Variants in DOCK2 observed in about 807,000 individuals in gnomAD.
The protein encoded by DOCK2 is dedicator of cytokinesis protein 2.
A neutral mutation model predicts 248.9 loss-of-function variants in DOCK2; 87 were observed. The ratio of observed to expected loss-of-function variants is 0.35; its 90% confidence interval spans 0.29 to 0.42. The LOEUF is 0.42. DOCK2 is among the 10% of genes least tolerant of loss of function. DOCK2 has a pLI of 1.00. For synonymous variants in DOCK2, 805 were observed against 821.6 expected, an observed-to-expected ratio of 0.98 and a Z score of 0.35; for missense variants, 1,747 against 2,300.2, an observed-to-expected ratio of 0.76 and a Z score of 4.92.
intron 26 of DOCK2, among the ~76,000 whole-genome samples, chr5:169,807,088 C>A (rs946064194): frequency 5.9e-5 from 9 of 152,052 alleles, no homozygotes; most frequent in Non-Finnish European, 7.4e-5. Flanking sequence ...GCTTGCAAAG[C>A]GACTGAGAAG....
At chr5:169,757,888 G>T (rs1764275456) in intron 23 of DOCK2, among the ~76,000 whole-genome samples, 1 of 152,158 alleles carries the variant, frequency 6.6e-6, no homozygotes, top group South Asian at 2.1e-4. Context: ...CTACAAGATT[G>T]TATGTCCAAT....
intron 22 of DOCK2, among the ~76,000 whole-genome samples, chr5:169,728,906 A>G (rs755217997): frequency 2.0e-5 from 3 of 152,184 alleles, no homozygotes; most frequent in Non-Finnish European, 2.9e-5. Context: ...CCTGTGCTGT[A>G]GACAATTAAG....
chr5:169,678,565 G>A (rs1487782035), intron 6 of DOCK2, among the ~76,000 whole-genome samples: 1 of 152,136 alleles, frequency 6.6e-6, no homozygotes. Flanking sequence ...GCCTGGCCAA[G>A]AAAAAAGTTT....
intron 34 of DOCK2, among the ~76,000 whole-genome samples, chr5:170,033,531 G>C (rs985911063): frequency 6.6e-6 from 1 of 152,170 alleles, no homozygotes; most frequent in African/African-American, 2.4e-5. Flanking sequence ...AGAGACACAT[G>C]ATGGCCATGT....
At chr5:169,886,190 T>C (rs566085446) in intron 27 of DOCK2, among the ~76,000 whole-genome samples, 1 of 152,276 alleles carries the variant, frequency 6.6e-6, no homozygotes, top group South Asian at 2.1e-4. Context: ...GAGAACAAAA[T>C]GAGCCATCCT....
chr5:169,867,811 T>C (rs760543099), intron 27 of DOCK2, among the ~76,000 whole-genome samples: 15 of 152,194 alleles, frequency 9.9e-5, no homozygotes, highest in Non-Finnish European at 2.2e-4. Flanking sequence ...GGTTTCTGTC[T>C]GCACCACCTA....
intron 27 of DOCK2, among the ~76,000 whole-genome samples, chr5:169,903,675 C>A (rs113163634): frequency 1.3e-5 from 2 of 151,932 alleles, no homozygotes; most frequent in Middle Eastern, 3.4e-3. Flanking sequence ...TTCAGACTTC[C>A]TAGAGGGTCG....
chr5:169,777,468 C>A (rs569502461), intron 25 of DOCK2, among the ~76,000 whole-genome samples: 1 of 152,144 alleles, frequency 6.6e-6, no homozygotes, highest in Non-Finnish European at 1.5e-5. Flanking sequence ...TGGAACCAGA[C>A]GCCACAGTGG....
At chr5:169,726,864 T>C (rs1174959621) in intron 22 of DOCK2, among the ~76,000 whole-genome samples, 2 of 152,072 alleles carry the variant, frequency 1.3e-5, no homozygotes, top group Admixed American at 1.3e-4. Flanking sequence ...AAACCTTACC[T>C]TGGGAGGATC....
At chr5:170,020,580 T>C (rs1434839275) in intron 33 of DOCK2, among the ~76,000 whole-genome samples, 1 of 152,258 alleles carries the variant, frequency 6.6e-6, no homozygotes, top group Non-Finnish European at 1.5e-5. Context: ...GGTAACATTA[T>C]CTTATCTTAC....
At chr5:169,735,155 A>C (rs1333352079) in intron 22 of DOCK2, among the ~76,000 whole-genome samples, 1 of 152,174 alleles carries the variant, frequency 6.6e-6, no homozygotes, top group Non-Finnish European at 1.5e-5. Flanking sequence ...CACAGTACTC[A>C]CCTTCTTAAA....
chr5:170,053,806 C>T lies in DOCK2; in HGVS notation c.4214-1499C>T, dbSNP rs148644671. On this transcript the variant is annotated intron_variant, in intron 41 of 51. Coordinates refer to ENST00000520908, the MANE Select transcript of DOCK2 (RefSeq NM_004946.3). Reference sequence around the variant, plus strand: ...ACTTCTTAGCATAGAGTAAGTTCATCAGACAGAGGCAATTCAATTTAATTT... The same window carrying T: ...ACTTCTTAGCATAGAGTAAGTTCATTAGACAGAGGCAATTCAATTTAATTT... Among the ~76,000 whole-genome samples the T allele has an allele frequency of 1.8e-4, 28 of 152,318 alleles. No individual in the cohort carries two copies. In the East Asian group the frequency reaches 5.4e-3, roughly 29 times the overall value.
intron 27 of DOCK2, among the ~76,000 whole-genome samples, chr5:169,958,585 C>CT (rs3079788): frequency 0.33 from 50,041 of 150,910 alleles, 9,420 homozygotes; most frequent in African/African-American, 0.52. Flanking sequence ...TCCTGGGTTT[C>CT]TTTTTTTTTG....
At chr5:169,689,405 C>T (rs899418635) in intron 9 of DOCK2, 72 bp downstream of exon 9, 5 of 1,520,294 alleles carry the variant, frequency 3.3e-6, no homozygotes, top group Middle Eastern at 4.2e-4. Context: ...TGAGGCTGGT[C>T]AGGAGCTCAG....
intron 27 of DOCK2, among the ~76,000 whole-genome samples, chr5:169,860,993 G>A (rs1771164021): frequency 6.6e-6 from 1 of 152,204 alleles, no homozygotes; most frequent in African/African-American, 2.4e-5. Flanking sequence ...GGGAAATAAA[G>A]AAAAGTACTG....
In DOCK2 at chr5:170,017,168, C is replaced by T. The variant is rs182302443; in HGVS notation, c.3233-1792C>T. On this transcript the variant is annotated intron_variant, in intron 32 of 51. Coordinates refer to ENST00000520908, the MANE Select transcript of DOCK2 (RefSeq NM_004946.3). ...AGAAAATTCATTTTCTTACTGCTTT[C>T]CCTCTCAGCTCCTTGTCTGAGCTTT... Among the ~76,000 whole-genome samples, 699 of 152,256 alleles carry T rather than the reference C, an allele frequency of 4.6e-3. 1 individual carries two copies. The highest frequency in any genetic ancestry group is 6.7e-3 in the Non-Finnish European group (456 of 68,006).
At chr5:169,922,974 T>C (rs1221467189) in intron 27 of DOCK2, among the ~76,000 whole-genome samples, 1 of 152,232 alleles carries the variant, frequency 6.6e-6, no homozygotes, top group Non-Finnish European at 1.5e-5. Flanking sequence ...AATATCGAAT[T>C]GTGAATTTCT....
chr5:169,760,114 A>C (rs1454609814), intron 24 of DOCK2, among the ~76,000 whole-genome samples: 4 of 152,184 alleles, frequency 2.6e-5, no homozygotes, highest in Non-Finnish European at 4.4e-5. Flanking sequence ...TAGACCCCAC[A>C]GTTGCAAATG....
At chr5:169,883,727 T>C (rs1374377630) in intron 27 of DOCK2, 2 of 1,551,364 alleles carry the variant, frequency 1.3e-6, no homozygotes, top group African/African-American at 2.7e-5. Flanking sequence ...TCTTCTGGAG[T>C]TTGGACGTCA....
Sources: allele counts gnomAD v4.1 joint callset (sites outside exome capture counted in the v4.1 genomes callset), GRCh38; gene constraint gnomAD v4.1.1; transcripts MANE v1.5; gene names NCBI Gene and HGNC (gene_info 2026-07-23, HGNC 2026-07-21).